The following PCDHGC4 variants were observed in gnomAD, a reference collection of about 807,000 sequenced individuals.
The protein encoded by PCDHGC4 is protocadherin gamma subfamily C, 4.
PCDHGC4 carries 15 observed loss-of-function variants against 59.7 expected under a neutral mutation model. That is an observed-to-expected ratio of 0.25 (90% confidence interval 0.17 to 0.39). PCDHGC4 has a LOEUF of 0.39. Among genes scored for constraint, PCDHGC4 ranks in the 10% least tolerant of loss-of-function variants. The pLI is 1.00. For missense variants in PCDHGC4, 1,016 were observed against 1,189.5 expected, an observed-to-expected ratio of 0.85 and a Z score of 2.15; for synonymous variants, 434 against 481.4, an observed-to-expected ratio of 0.90 and a Z score of 1.29.
In PCDHGC4 at chr5:141,493,482, G is replaced by T. The variant is rs184736387; in HGVS notation, c.2443-1325G>T. The stretch of plus-strand genomic sequence containing the variant: ...TTTTAGGACCTTACATGTGGGGAAA[G>T]TCTTCTGTGGCTCCTCATTTCTGAG... On this transcript the variant is annotated intron_variant, in intron 1 of 3. Coordinates refer to ENST00000306593, the MANE Select transcript of PCDHGC4 (RefSeq NM_018928.3). The surrounding 1 kb of genome is among the most constrained non-coding windows in gnomAD (Gnocchi z 4.3). 6.6e-6 allele frequency among the ~76,000 whole-genome samples: 1 copy of T among 152,206 alleles called. No individual in the cohort carries two copies. Among genetic ancestry groups the T allele is most frequent in the Admixed American group, 6.5e-5 (1 of 15,282 alleles).
At chr5:141,500,488 C>T (rs569168291) in intron 2 of PCDHGC4, among the ~76,000 whole-genome samples, 4 of 152,178 alleles carry the variant, frequency 2.6e-5, no homozygotes, top group South Asian at 2.1e-4. Flanking sequence ...GGATTACAGG[C>T]GTGAGCCACC....
chr5:141,491,810 G>T lies in PCDHGC4; in HGVS notation c.2443-2997G>T. 1 of 1,486,878 alleles carries T rather than the reference G, an allele frequency of 6.7e-7. No individual in the cohort carries two copies. The allele number at this position is 1,486,878 out of a possible 1,614,324, so 92.1% of individuals were successfully genotyped here. A position where few individuals can be genotyped will look rare whatever the true frequency, so the allele number is the denominator to read the frequency against. ...CCACTCCTCTCCGGCCGGCTTGGTC[G>T]CTGGCTGCGCTCCACCCGATTCTCG... On this transcript the variant is annotated intron_variant, in intron 1 of 3. Coordinates refer to ENST00000306593, the MANE Select transcript of PCDHGC4 (RefSeq NM_018928.3). This position sits in a 1 kb window ranked among gnomAD's most constrained non-coding sequence, Gnocchi z 6.9.
At chr5:141,502,862 CTGTCT>C (rs2099816366) in intron 2 of PCDHGC4, among the ~76,000 whole-genome samples, 2 of 68,560 alleles carry the variant, frequency 2.9e-5, no homozygotes, top group Admixed American at 3.3e-4. Flanking sequence ...CCCTGACTCT[CTGTCT>C]TTTTTTTTTT....
chr5:141,493,641 G>A lies in PCDHGC4; in HGVS notation c.2443-1166G>A, dbSNP rs547664603. Among the ~76,000 whole-genome samples, 2 of 152,240 alleles carry A rather than the reference G, an allele frequency of 1.3e-5. No individual in the cohort carries two copies. The highest frequency in any genetic ancestry group is 3.9e-4 in the East Asian group (2 of 5,172). On this transcript the variant is annotated intron_variant, in intron 1 of 3. Coordinates refer to ENST00000306593, the MANE Select transcript of PCDHGC4 (RefSeq NM_018928.3). The surrounding 1 kb of genome is among the most constrained non-coding windows in gnomAD (Gnocchi z 4.3). The stretch of plus-strand genomic sequence containing the variant: ...CTAAGAATACAGTGGCTGAGGGCTG[G>A]CCATCCCTGTGCCCTTCTCCATGGC...
chr5:141,511,049 G>A lies in PCDHGC4; in HGVS notation c.2693G>A (p.Arg898His), dbSNP rs61749029. 408 of 1,614,098 alleles carry A rather than the reference G, an allele frequency of 2.5e-4. No individual in the cohort carries two copies. Among genetic ancestry groups the A allele is most frequent in the South Asian group, 7.2e-4 (66 of 91,094 alleles). Residue 898 changes from arginine (R) to histidine (H), a missense_variant, in exon 4 of 4, where the codon CGC becomes CAC. Transcript: ENST00000306593. ...QFTLQHVPDY[R>H]QNVYIPGSNA... ...ACCCTGCAGCACGTGCCCGACTACC[G>A]CCAGAATGTCTACATCCCAGGCAGC...
At chr5:141,508,823 G>A (rs1445894402) in intron 3 of PCDHGC4, among the ~76,000 whole-genome samples, 1 of 151,966 alleles carries the variant, frequency 6.6e-6, no homozygotes, top group Admixed American at 6.6e-5. Flanking sequence ...GCCAGATCTG[G>A]GCCCCCCTCC....
intron 1 of PCDHGC4, among the ~76,000 whole-genome samples, chr5:141,488,741 C>A (rs2099678972): frequency 1.3e-5 from 2 of 152,310 alleles, no homozygotes; most frequent in South Asian, 4.1e-4. Context: ...TGAAGTCATG[C>A]AGGAAGTTGC....
chr5:141,487,748 T>A lies in PCDHGC4; in HGVS notation c.2442+133T>A, dbSNP rs1458153935. ...TGTCACCATTTTTGTAAGAGGTAACTATGTGGTAGACGCTGTGCTTTGTAA... is the reference window on the plus strand; with the variant it reads ...TGTCACCATTTTTGTAAGAGGTAACAATGTGGTAGACGCTGTGCTTTGTAA... On this transcript the variant is annotated intron_variant, in intron 1 of 3. Transcript: ENST00000306593. This position sits in a 1 kb window ranked among gnomAD's most constrained non-coding sequence, Gnocchi z 5.0. 6.4e-7 allele frequency: 1 copy of A among 1,557,554 alleles called. No homozygotes were observed. The highest frequency in any genetic ancestry group is 1.2e-5 in the South Asian group (1 of 84,814).
intron 2 of PCDHGC4, among the ~76,000 whole-genome samples, chr5:141,499,352 CA>C (rs2099791418): frequency 6.6e-6 from 1 of 152,058 alleles, no homozygotes; most frequent in South Asian, 2.1e-4. Context: ...AGTCATTCAA[CA>C]AACAAATAGC....
At chr5:141,499,272 GT>G (rs772636179) in intron 2 of PCDHGC4, among the ~76,000 whole-genome samples, 3 of 152,122 alleles carry the variant, frequency 2.0e-5, no homozygotes, top group Non-Finnish European at 4.4e-5. Flanking sequence ...TCCCTAGACT[GT>G]TCTCTGATGG....
chr5:141,491,131 G>A lies in PCDHGC4; in HGVS notation c.2442+3516G>A. 1 of 1,614,182 alleles carries A rather than the reference G, an allele frequency of 6.2e-7. No individual in the cohort carries two copies. Among genetic ancestry groups the A allele is most frequent in the Non-Finnish European group, 8.5e-7 (1 of 1,180,008 alleles). ...TACACACACTGGTGAGGTGCGCACA[G>A]CCCGGGCCTTACTGGAGGATGACTC... On this transcript the variant is annotated intron_variant, in intron 1 of 3. Coordinates refer to ENST00000306593, the MANE Select transcript of PCDHGC4 (RefSeq NM_018928.3). This position sits in a 1 kb window ranked among gnomAD's most constrained non-coding sequence, Gnocchi z 6.9.
chr5:141,500,139 CT>C (rs2099796692), intron 2 of PCDHGC4, among the ~76,000 whole-genome samples: 2 of 151,768 alleles, frequency 1.3e-5, no homozygotes, highest in East Asian at 3.9e-4. Context: ...TCTTTCTAAA[CT>C]TTTCTTTGTG....
chr5:141,511,632 G>A lies in PCDHGC4; in HGVS notation c.*459G>A, dbSNP rs1388627906. The A allele has an allele frequency of 8.6e-6, 2 of 231,934 alleles. No homozygotes were observed. The highest frequency in any genetic ancestry group is 5.1e-5 in the Admixed American group (1 of 19,634). 14.4% of individuals were successfully genotyped at this position (231,934 alleles called of 1,614,324 possible). A position where few individuals can be genotyped will look rare whatever the true frequency, so the allele number is the denominator to read the frequency against. On this transcript the variant is annotated 3_prime_UTR_variant, in exon 4 of 4. Transcript: ENST00000306593. ...CCTCCTAGTTCTGAAAAGTTGGAAG[G>A]GCATCATGACCTCTTGGCCTCTCCT...
At chr5:141,488,913 A>G (rs887938731) in intron 1 of PCDHGC4, among the ~76,000 whole-genome samples, 4 of 152,196 alleles carry the variant, frequency 2.6e-5, no homozygotes, top group African/African-American at 7.2e-5. Flanking sequence ...TGTGTTCCCA[A>G]GGTTTCCAGG....
Position 141,485,486 on chromosome 5 carries a change from C to A in PCDHGC4, c.313C>A (p.Pro105Thr). Residue 105 changes from proline to threonine, a missense_variant, in exon 1 of 4, where the codon CCC becomes ACC. Physicochemically the swap from Pro to Thr is conservative, Grantham distance 38 (BLOSUM62 -1). Transcript: ENST00000306593. This position sits in a 1 kb window ranked among gnomAD's most constrained non-coding sequence, Gnocchi z 5.7. Reference sequence around the variant, plus strand: ...TGGGCTCAGTGCCAGCTGCATCGTGCCCCTGGAGTTTGTCACCGAAGGTCC... The same window carrying A: ...TGGGCTCAGTGCCAGCTGCATCGTGACCCTGGAGTTTGTCACCGAAGGTCC... ...LCGLSASCIV[P>T]LEFVTEGPLE... 6.2e-7 allele frequency: 1 copy of A among 1,614,104 alleles called. No individual in the cohort carries two copies.
At position 141,490,870 on chromosome 5, in the gene PCDHGC4, T is replaced by C; in HGVS notation, c.2442+3255T>C. Reference sequence around the variant, plus strand: ...GGTTCGAGACTCCGGCTCTCCCCCATTGCATGCCAACACATCTCTGCATGT... The same window carrying C: ...GGTTCGAGACTCCGGCTCTCCCCCACTGCATGCCAACACATCTCTGCATGT... On this transcript the variant is annotated intron_variant, in intron 1 of 3. Coordinates refer to ENST00000306593, the MANE Select transcript of PCDHGC4 (RefSeq NM_018928.3). The surrounding 1 kb of genome is among the most constrained non-coding windows in gnomAD (Gnocchi z 5.4). 6.2e-7 allele frequency: 1 copy of C among 1,613,888 alleles called. No homozygotes were observed. Among genetic ancestry groups the C allele is most frequent in the Non-Finnish European group, 8.5e-7 (1 of 1,179,932 alleles).
rs1048758308 is a variant in PCDHGC4 at position 141,498,931 on chromosome 5, A to T, written c.2501+4066A>T. Among the ~76,000 whole-genome samples the T allele has an allele frequency of 6.2e-4, 88 of 141,764 alleles. 1 individual carries two copies. Among genetic ancestry groups the T allele is most frequent in the Non-Finnish European group, 1.1e-3 (70 of 64,686 alleles). 93.0% of individuals were successfully genotyped at this position (141,764 alleles called of 152,430 possible). On this transcript the variant is annotated intron_variant, in intron 2 of 3. Coordinates refer to ENST00000306593, the MANE Select transcript of PCDHGC4 (RefSeq NM_018928.3). ...CTGGGTGACAGAGCGAGACTCCATC[A>T]GGAAAGAAAGAAAGAAAAAGAGAGA... is the stretch of plus-strand genomic sequence containing the variant.
At chr5:141,492,448 G>T (rs2734874) in intron 1 of PCDHGC4, among the ~76,000 whole-genome samples, 50 of 152,334 alleles carry the variant, frequency 3.3e-4, no homozygotes, top group African/African-American at 1.2e-3. Context: ...GTAGCTGATT[G>T]TGCGCGCCTG....
chr5:141,502,179 A>G (rs1403845758), intron 2 of PCDHGC4, among the ~76,000 whole-genome samples: 2 of 152,218 alleles, frequency 1.3e-5, no homozygotes, highest in Non-Finnish European at 2.9e-5. Context: ...GGAATTTAAC[A>G]TTAATACAAT....
Sources: allele counts gnomAD v4.1 joint callset (sites outside exome capture counted in the v4.1 genomes callset), GRCh38; gene constraint gnomAD v4.1.1; non-coding constraint Gnocchi (gnomAD v3.1); transcripts MANE v1.5; gene names NCBI Gene and HGNC (gene_info 2026-07-23, HGNC 2026-07-21).